The following MTUS2 variants were observed in gnomAD, a reference collection of about 807,000 sequenced individuals.
MTUS2 encodes microtubule-associated tumor suppressor candidate 2.
A neutral mutation model predicts 114.1 loss-of-function variants in MTUS2; 40 were observed. The observed-to-expected ratio is 0.35, with a 90% CI of 0.27 to 0.46. MTUS2 has a LOEUF of 0.46. MTUS2 is among the 20% of genes least tolerant of loss of function. MTUS2 has a pLI of 1.00. For missense variants in MTUS2, 1,679 were observed against 1,705.4 expected (o/e 0.98, Z 0.27); for synonymous variants, 688 against 672.0 (o/e 1.02, Z -0.37).
chr13:29,084,043 A>C (rs560721781), intron 4 of MTUS2, among the ~76,000 whole-genome samples: 1 of 152,174 alleles, frequency 6.6e-6, no homozygotes. Context: ...AATTAGATCT[A>C]TATTATAGAT....
intron 5 of MTUS2, among the ~76,000 whole-genome samples, chr13:29,161,382 A>T (rs2139079693): frequency 6.6e-6 from 1 of 151,964 alleles, no homozygotes; most frequent in East Asian, 1.9e-4. Flanking sequence ...TTTTAAAGTT[A>T]TGATTTTTTG....
chr13:29,010,504 C>T (rs182423207), intron 2 of MTUS2, among the ~76,000 whole-genome samples: 153 of 152,214 alleles, frequency 1.0e-3, no homozygotes, highest in African/African-American at 3.6e-3. Context: ...TTTCCTAACA[C>T]GTCCTTGGCC....
Position 29,026,709 on chromosome 13 carries a change from C to T in MTUS2, c.2011C>T (p.Pro671Ser), listed in dbSNP as rs1414850765. Reference protein sequence around the residue: ...SLVPVGLPYAPPTCTMPLPHE... With the variant: ...SLVPVGLPYASPTCTMPLPHE... The stretch of plus-strand genomic sequence containing the variant: ...GGTTCCAGTGGGGCTTCCATATGCC[C>T]CGCCCACATGTACCATGCCTCTTCC... The change falls in exon 3 of 16, where the codon CCG becomes TCG. Residue 671 changes from proline to serine, a missense_variant. Physicochemically the swap from Pro to Ser is moderately conservative, Grantham distance 74 (BLOSUM62 -1). Around this residue, in one of 3 missense-constraint regions of MTUS2, gnomAD observed 822 missense variants for 899.7 expected, o/e 0.91. Transcript: ENST00000612955. The T allele has an allele frequency of 3.1e-6, 5 of 1,613,994 alleles. No individual in the cohort carries two copies. In the South Asian group the frequency reaches 3.3e-5, roughly 11 times the overall value.
At chr13:29,149,573 C>A (rs1312822215) in intron 5 of MTUS2, among the ~76,000 whole-genome samples, 1 of 152,118 alleles carries the variant, frequency 6.6e-6, no homozygotes, top group Non-Finnish European at 1.5e-5. Flanking sequence ...CTTTTGGCAT[C>A]TTTGTCATGA....
chr13:29,322,937 G>A (rs1364848175), intron 6 of MTUS2, among the ~76,000 whole-genome samples: 3 of 152,142 alleles, frequency 2.0e-5, no homozygotes, highest in Non-Finnish European at 4.4e-5. Flanking sequence ...TAAATGAATC[G>A]ATTAAATGAT....
intron 2 of MTUS2, among the ~76,000 whole-genome samples, chr13:28,841,694 GT>G (rs1221305141): frequency 1.3e-4 from 19 of 147,238 alleles, no homozygotes; most frequent in Admixed American, 6.1e-4. Flanking sequence ...TTGTTTTTTT[GT>G]TTTTTTTTTG....
At chr13:29,235,520 A>G (rs900821547) in intron 5 of MTUS2, among the ~76,000 whole-genome samples, 10 of 152,188 alleles carry the variant, frequency 6.6e-5, no homozygotes, top group African/African-American at 2.2e-4. Context: ...TTTATTGAGG[A>G]TGCTTCTAGT....
chr13:29,039,755 G>A (rs1457336134), intron 4 of MTUS2, among the ~76,000 whole-genome samples: 2 of 152,230 alleles, frequency 1.3e-5, no homozygotes, highest in Admixed American at 1.3e-4. Context: ...ACTCATATCA[G>A]TAAAGGTGAT....
At chr13:29,095,851 T>C (rs1048259025) in intron 4 of MTUS2, among the ~76,000 whole-genome samples, 3 of 152,118 alleles carry the variant, frequency 2.0e-5, no homozygotes, top group Non-Finnish European at 4.4e-5. Context: ...TGTTATTTTC[T>C]ATTTGATGAA....
chr13:29,092,223 C>T (rs746010317), intron 4 of MTUS2, among the ~76,000 whole-genome samples: 6 of 152,196 alleles, frequency 3.9e-5, no homozygotes, highest in East Asian at 3.9e-4. Flanking sequence ...GTTTGGTGTG[C>T]GTTCCTCTGA....
At chr13:29,376,035 A>ATGTG (rs1237166643) in intron 8 of MTUS2, among the ~76,000 whole-genome samples, 5 of 110,072 alleles carry the variant, frequency 4.5e-5, no homozygotes, top group African/African-American at 1.7e-4. Context: ...GTGTATATAT[A>ATGTG]TATATGTGTG....
At chr13:28,854,501 T>C (rs1876497459) in intron 2 of MTUS2, among the ~76,000 whole-genome samples, 1 of 152,164 alleles carries the variant, frequency 6.6e-6, no homozygotes, top group South Asian at 2.1e-4. Context: ...TTTTGCCTTT[T>C]CCCCTCTGCG....
chr13:28,832,651 T>C (rs1874774322), intron 1 of MTUS2, among the ~76,000 whole-genome samples: 1 of 147,848 alleles, frequency 6.8e-6, no homozygotes, highest in Non-Finnish European at 1.5e-5. Context: ...AATATGACAA[T>C]ATATTAAAAT....
intron 9 of MTUS2, among the ~76,000 whole-genome samples, chr13:29,467,852 C>T (rs538941469): frequency 1.1e-3 from 173 of 152,308 alleles, no homozygotes; most frequent in African/African-American, 4.0e-3. Context: ...CAGTGGCTCA[C>T]GCCTGTAATC....
intron 5 of MTUS2, among the ~76,000 whole-genome samples, chr13:29,185,706 A>G (rs1111373): frequency 0.57 from 85,905 of 152,016 alleles, 24,461 homozygotes; most frequent in Admixed American, 0.57. Flanking sequence ...TTTAATAATG[A>G]AGGAGAAATT....
chr13:29,148,480 T>C (rs1337638027), intron 5 of MTUS2, among the ~76,000 whole-genome samples: 4 of 55,206 alleles, frequency 7.2e-5, no homozygotes, highest in Non-Finnish European at 1.1e-4. Flanking sequence ...TTCTTTTTTT[T>C]TTTTTTTTTT....
intron 8 of MTUS2, among the ~76,000 whole-genome samples, chr13:29,377,004 A>T (rs1449933731): frequency 1.3e-5 from 2 of 152,166 alleles, no homozygotes; most frequent in Non-Finnish European, 2.9e-5. Flanking sequence ...ATGATAGAAG[A>T]AGTATCATAG....
chr13:29,241,885 C>A (rs1896747969), intron 5 of MTUS2, among the ~76,000 whole-genome samples: 1 of 152,090 alleles, frequency 6.6e-6, no homozygotes. Context: ...GGCAGGGGAG[C>A]TGTGGTTCTG....
chr13:29,302,252 C>T (rs1373565947), intron 6 of MTUS2, among the ~76,000 whole-genome samples: 1 of 152,204 alleles, frequency 6.6e-6, no homozygotes, highest in African/African-American at 2.4e-5. Flanking sequence ...AGGAGTGGCA[C>T]AGAGCCAAAG....
Sources: allele counts gnomAD v4.1 joint callset (sites outside exome capture counted in the v4.1 genomes callset), GRCh38; gene constraint gnomAD v4.1.1; regional missense constraint gnomAD v4.1.1; transcripts MANE v1.5; gene names NCBI Gene and HGNC (gene_info 2026-07-23, HGNC 2026-07-21).